The following SNTG1 variants were observed in gnomAD, a reference collection of about 807,000 sequenced individuals.
SNTG1 encodes syntrophin gamma 1, also known as gamma-1-syntrophin.
In SNTG1, 39 loss-of-function variants were observed where a neutral mutation model predicts 74.7. The observed-to-expected ratio is 0.52, with a 90% CI of 0.40 to 0.68. The LOEUF is 0.68. SNTG1 is among the 30% of genes least tolerant of loss of function. The pLI is 0.00. For synonymous variants in SNTG1, 254 were observed against 217.1 expected (o/e 1.17, Z -1.49); for missense variants, 685 against 609.5 (o/e 1.12, Z -1.30).
intron 2 of SNTG1, among the ~76,000 whole-genome samples, chr8:50,305,761 T>G (rs780518831): frequency 9.9e-5 from 15 of 152,080 alleles, no homozygotes; most frequent in Non-Finnish European, 1.8e-4. Flanking sequence ...AGTTTAAGGT[T>G]CAATGAATTG....
chr8:50,372,808 T>C (rs961234674), intron 2 of SNTG1, among the ~76,000 whole-genome samples: 1 of 152,130 alleles, frequency 6.6e-6, no homozygotes, highest in African/African-American at 2.4e-5. Flanking sequence ...AGTCAGATAG[T>C]ATATCCCAAG....
At chr8:50,153,848 G>A (rs1563668354) in intron 1 of SNTG1, among the ~76,000 whole-genome samples, 1 of 152,192 alleles carries the variant, frequency 6.6e-6, no homozygotes, top group Non-Finnish European at 1.5e-5. Flanking sequence ...CTACTCGGGA[G>A]TCAGGGACCC....
At chr8:50,705,776 A>G (rs192413273) in intron 16 of SNTG1, among the ~76,000 whole-genome samples, 3 of 152,348 alleles carry the variant, frequency 2.0e-5, no homozygotes, top group Non-Finnish European at 4.4e-5. Flanking sequence ...CAAACTTTAT[A>G]GAGCCCTCAG....
chr8:50,356,554 AG>A (rs1466299448), intron 2 of SNTG1, among the ~76,000 whole-genome samples: 1 of 152,194 alleles, frequency 6.6e-6, no homozygotes, highest in Non-Finnish European at 1.5e-5. Context: ...GGGAAGCCCA[AG>A]ATCAAGATGC....
intron 1 of SNTG1, among the ~76,000 whole-genome samples, chr8:50,030,566 T>G (rs544859788): frequency 1.1e-4 from 17 of 152,198 alleles, no homozygotes; most frequent in Non-Finnish European, 1.8e-4. Flanking sequence ...TGTCTATGGA[T>G]AGCCAATTGT....
At chr8:50,097,967 A>G (rs887949324) in intron 1 of SNTG1, among the ~76,000 whole-genome samples, 8 of 152,198 alleles carry the variant, frequency 5.3e-5, no homozygotes, top group Admixed American at 6.5e-5. Flanking sequence ...TAATATGTCT[A>G]AAGTTGTAAA....
intron 2 of SNTG1, among the ~76,000 whole-genome samples, chr8:50,315,364 A>G (rs916335847): frequency 6.7e-6 from 1 of 150,028 alleles, no homozygotes; most frequent in African/African-American, 2.5e-5. Context: ...CTTCATAAAT[A>G]CCTTAGTAGC....
At chr8:50,563,140 G>A (rs1414711089) in intron 12 of SNTG1, among the ~76,000 whole-genome samples, 2 of 152,180 alleles carry the variant, frequency 1.3e-5, no homozygotes, top group Admixed American at 6.5e-5. Context: ...GACGGCAACT[G>A]ATCCCTGAGA....
chr8:50,154,899 G>T (rs908062334), intron 1 of SNTG1, among the ~76,000 whole-genome samples: 1 of 152,194 alleles, frequency 6.6e-6, no homozygotes, highest in African/African-American at 2.4e-5. Flanking sequence ...AAAGCCTATA[G>T]TTCAGTTCAT....
At chr8:50,782,813 G>C (rs980481251) in intron 18 of SNTG1, among the ~76,000 whole-genome samples, 1 of 152,134 alleles carries the variant, frequency 6.6e-6, no homozygotes, top group Non-Finnish European at 1.5e-5. Context: ...TTTCTCCTCT[G>C]TTTTTCCCCA....
chr8:50,640,054 C>T (rs1226786940), intron 13 of SNTG1, among the ~76,000 whole-genome samples: 5 of 152,066 alleles, frequency 3.3e-5, no homozygotes, highest in Non-Finnish European at 7.4e-5. Flanking sequence ...TGACAAATTG[C>T]TTGAGAAGTT....
chr8:50,550,307 T>A (rs16915036), intron 11 of SNTG1, among the ~76,000 whole-genome samples: 2 of 152,006 alleles, frequency 1.3e-5, no homozygotes, highest in Non-Finnish European at 2.9e-5. Context: ...CACTCCAAAC[T>A]TTTACATTTT....
chr8:50,020,055 G>A (rs896888140), intron 1 of SNTG1, among the ~76,000 whole-genome samples: 6 of 152,074 alleles, frequency 3.9e-5, no homozygotes, highest in African/African-American at 1.4e-4. Flanking sequence ...AACTAATTGA[G>A]CCTTTTGTGC....
intron 1 of SNTG1, among the ~76,000 whole-genome samples, chr8:50,069,504 T>A (rs745575821): frequency 6.6e-6 from 1 of 150,758 alleles, no homozygotes; most frequent in Non-Finnish European, 1.5e-5. Context: ...TTGCAAAAAA[T>A]TGTGTAATGA....
intron 2 of SNTG1, among the ~76,000 whole-genome samples, chr8:50,322,426 A>G (rs13266267): frequency 0.47 from 71,968 of 151,828 alleles, 19,455 homozygotes; most frequent in East Asian, 0.83. Flanking sequence ...ATTGTATGCT[A>G]TTTGTTTCTT....
chr8:50,503,396 T>A (rs1288241878), intron 9 of SNTG1, among the ~76,000 whole-genome samples: 2 of 152,164 alleles, frequency 1.3e-5, no homozygotes, highest in African/African-American at 4.8e-5. Context: ...TGCTGAAAAA[T>A]TGAAGAATAA....
intron 12 of SNTG1, among the ~76,000 whole-genome samples, chr8:50,570,759 C>T (rs1009290057): frequency 2.6e-5 from 4 of 151,488 alleles, no homozygotes; most frequent in South Asian, 2.1e-4. Context: ...CATGCACCAC[C>T]GTGCCTGTAG....
intron 12 of SNTG1, among the ~76,000 whole-genome samples, chr8:50,557,381 A>C (rs1416048859): frequency 1.3e-5 from 2 of 152,222 alleles, no homozygotes; most frequent in African/African-American, 4.8e-5. Context: ...TAAAATTCCA[A>C]AATTTCCTAA....
At chr8:50,549,517 C>T (rs1482297762) in intron 11 of SNTG1, among the ~76,000 whole-genome samples, 2 of 152,156 alleles carry the variant, frequency 1.3e-5, no homozygotes, top group Non-Finnish European at 2.9e-5. Flanking sequence ...CTTCACCCCA[C>T]AGAGAGATAT....
Sources: allele counts gnomAD v4.1 joint callset (sites outside exome capture counted in the v4.1 genomes callset), GRCh38; gene constraint gnomAD v4.1.1; transcripts MANE v1.5; gene names NCBI Gene and HGNC (gene_info 2026-07-23, HGNC 2026-07-21).